Variants in AGBL4 observed in about 807,000 individuals in gnomAD.
AGBL4 encodes the protein cytosolic carboxypeptidase 6.
In AGBL4, 58 loss-of-function variants were observed where a neutral mutation model predicts 66.4. The observed-to-expected ratio is 0.87, with a 90% confidence interval of 0.71 to 1.09. The LOEUF (loss-of-function observed/expected upper bound fraction) is 1.09. AGBL4 is among the 50% of genes least tolerant of loss of function. The probability of loss-of-function intolerance (pLI) is 0.00; values close to 1 mark genes in which losing one functional copy is unlikely to be tolerated. For synonymous variants in AGBL4, 234 were observed against 222.9 expected (o/e 1.05, Z -0.44); for missense variants, 579 against 631.0 (o/e 0.92, Z 0.88).
At position 48,736,208 on chromosome 1, in the gene AGBL4, C is replaced by T; in HGVS notation, c.635-72967G>A. On this transcript the variant is annotated intron_variant, in intron 6 of 13. Coordinates refer to ENST00000371839, the MANE Select transcript of AGBL4 (RefSeq NM_032785.4). This position sits in a 1 kb window ranked among gnomAD's most constrained non-coding sequence, Gnocchi z 4.0. ...TCTTGACAGAGTAAAAGACAGAATC[C>T]CAGCCATTGTGTTTCCACTCAGTGA... 6.3e-7 allele frequency: 1 copy of T among 1,587,884 alleles called. No individual in the cohort carries two copies. Among genetic ancestry groups the T allele is most frequent in the Non-Finnish European group, 8.6e-7 (1 of 1,156,428 alleles).
intron 9 of AGBL4, among the ~76,000 whole-genome samples, chr1:48,604,588 T>C (rs1310067293): frequency 6.6e-6 from 1 of 152,184 alleles, no homozygotes; most frequent in East Asian, 1.9e-4. Context: ...TGCACACTTT[T>C]GTTAGGATAC....
chr1:49,164,874 T>C (rs563140497), intron 4 of AGBL4, among the ~76,000 whole-genome samples: 1 of 152,308 alleles, frequency 6.6e-6, no homozygotes, highest in African/African-American at 2.4e-5. Flanking sequence ...AGGGTTTCTA[T>C]AAATTTTGAG....
chr1:48,850,258 C>A (rs1247390013), intron 6 of AGBL4, among the ~76,000 whole-genome samples: 1 of 152,200 alleles, frequency 6.6e-6, no homozygotes, highest in Non-Finnish European at 1.5e-5. Context: ...ACTATAGCAA[C>A]CCATCCCTTC....
chr1:49,869,670 T>C (rs1457243662), intron 1 of AGBL4, among the ~76,000 whole-genome samples: 1 of 151,998 alleles, frequency 6.6e-6, no homozygotes, highest in African/African-American at 2.4e-5. Flanking sequence ...AGGTGATGGG[T>C]TCATAGGTGC....
chr1:48,835,094 A>G (rs1176108158), intron 6 of AGBL4, among the ~76,000 whole-genome samples: 2 of 152,148 alleles, frequency 1.3e-5, no homozygotes, highest in Admixed American at 6.5e-5. Flanking sequence ...TAAATACTCA[A>G]ATGCTCTGGA....
At chr1:49,248,463 G>A (rs1402702604) in intron 3 of AGBL4, among the ~76,000 whole-genome samples, 2 of 152,180 alleles carry the variant, frequency 1.3e-5, no homozygotes, top group Non-Finnish European at 2.9e-5. Flanking sequence ...TGAGGGACTG[G>A]TAATGTGATT....
intron 5 of AGBL4, among the ~76,000 whole-genome samples, chr1:48,945,608 C>T (rs1046625111): frequency 3.9e-5 from 6 of 152,180 alleles, no homozygotes; most frequent in Non-Finnish European, 8.8e-5. Context: ...TATGAGAGAG[C>T]TTTGCCCTGT....
intron 6 of AGBL4, among the ~76,000 whole-genome samples, chr1:48,725,399 C>T (rs1366469726): frequency 2.0e-5 from 3 of 152,180 alleles, no homozygotes; most frequent in African/African-American, 7.2e-5. Context: ...GTGAAACACT[C>T]TACCAAACAA....
intron 3 of AGBL4, among the ~76,000 whole-genome samples, chr1:49,558,825 T>C (rs1217496282): frequency 6.6e-6 from 1 of 152,150 alleles, no homozygotes; most frequent in African/African-American, 2.4e-5. Context: ...TAGTCTGTGG[T>C]GGCAGTGGCT....
intron 1 of AGBL4, among the ~76,000 whole-genome samples, chr1:49,896,463 C>T (rs999185577): frequency 1.6e-5 from 2 of 122,852 alleles, no homozygotes; most frequent in Admixed American, 8.5e-5. Flanking sequence ...GATGGCTTCA[C>T]TGATGAATTT....
intron 3 of AGBL4, among the ~76,000 whole-genome samples, chr1:49,471,630 C>G (rs1176108897): frequency 6.6e-6 from 1 of 151,806 alleles, no homozygotes; most frequent in African/African-American, 2.4e-5. Flanking sequence ...GAAGCCAAAA[C>G]TCCTGAAATG....
chr1:49,223,185 G>A (rs1190155639), intron 4 of AGBL4, among the ~76,000 whole-genome samples: 12 of 152,124 alleles, frequency 7.9e-5, no homozygotes, highest in Non-Finnish European at 1.5e-5. Context: ...AAGGTTTTAA[G>A]GTTGAGCCTT....
At chr1:49,694,888 C>T (rs1257590089) in intron 3 of AGBL4, among the ~76,000 whole-genome samples, 1 of 152,088 alleles carries the variant, frequency 6.6e-6, no homozygotes, top group Non-Finnish European at 1.5e-5. Context: ...CCCCTCTACC[C>T]CTCCTTGTAT....
rs1375424115 is a variant in AGBL4, at chr1:48,736,802, T to C, written c.635-73561A>G. On this transcript the variant is annotated intron_variant, in intron 6 of 13. Coordinates refer to ENST00000371839, the MANE Select transcript of AGBL4 (RefSeq NM_032785.4). The surrounding 1 kb of genome is among the most constrained non-coding windows in gnomAD (Gnocchi z 4.0). ...GTGGCAGAGTTGATATTCTACACTA[T>C]ACTTAGTTTATCACAAGGCTGCTCA... 2.6e-5 allele frequency among the ~76,000 whole-genome samples: 4 copies of C among 152,234 alleles called. No individual in the cohort carries two copies. Among genetic ancestry groups the C allele is most frequent in the Non-Finnish European group, 4.4e-5 (3 of 68,040 alleles).
intron 1 of AGBL4, among the ~76,000 whole-genome samples, chr1:49,992,447 A>G (rs947122082): frequency 6.6e-6 from 1 of 151,812 alleles, no homozygotes. Context: ...TCTCATTTAA[A>G]TACTCAGGTT....
At chr1:49,058,568 G>A (rs992715855) in intron 4 of AGBL4, among the ~76,000 whole-genome samples, 1 of 152,184 alleles carries the variant, frequency 6.6e-6, no homozygotes, top group Non-Finnish European at 1.5e-5. Flanking sequence ...GCCTGAGAAA[G>A]AACTAGTATG....
At chr1:48,650,803 A>T (rs559822088) in intron 8 of AGBL4, among the ~76,000 whole-genome samples, 7 of 152,202 alleles carry the variant, frequency 4.6e-5, no homozygotes, top group African/African-American at 1.7e-4. Flanking sequence ...AACACTGAGT[A>T]CTATTTCCCC....
chr1:49,741,673 C>A (rs1338202934), intron 2 of AGBL4, among the ~76,000 whole-genome samples: 1 of 152,168 alleles, frequency 6.6e-6, no homozygotes, highest in Non-Finnish European at 1.5e-5. Context: ...CAAACTGAAT[C>A]CAGCAGCATA....
chr1:48,633,805 G>T (rs894066501), intron 9 of AGBL4, among the ~76,000 whole-genome samples: 1 of 152,168 alleles, frequency 6.6e-6, no homozygotes, highest in Non-Finnish European at 1.5e-5. Flanking sequence ...GAGCAAACTT[G>T]GTGTGAACAC....
Sources: allele counts gnomAD v4.1 joint callset (sites outside exome capture counted in the v4.1 genomes callset), GRCh38; gene constraint gnomAD v4.1.1; non-coding constraint Gnocchi (gnomAD v3.1); transcripts MANE v1.5; gene names NCBI Gene and HGNC (gene_info 2026-07-23, HGNC 2026-07-21).